Variants in CNTN4 observed in about 807,000 individuals in gnomAD.
CNTN4 encodes the protein contactin-4.
A neutral mutation model predicts 122.5 loss-of-function variants in CNTN4; 77 were observed. That is an observed-to-expected ratio of 0.63 (90% CI 0.52 to 0.76). CNTN4 has a LOEUF of 0.76. Ranked by LOEUF, CNTN4 falls within the 30% of genes least tolerant of loss-of-function variation. The pLI is 0.00. For synonymous variants in CNTN4, 512 were observed against 447.0 expected (o/e 1.15, Z -1.83); for missense variants, 1,256 against 1,259.1 (o/e 1.00, Z 0.04).
chr3:2,515,027 A>T (rs35073826), intron 3 of CNTN4, among the ~76,000 whole-genome samples: 2 of 148,574 alleles, frequency 1.3e-5, no homozygotes. Context: ...TCTCTTTTTC[A>T]TCAGTTAATT....
intron 21 of CNTN4, 37 bp downstream of exon 21, chr3:3,042,459 G>T: frequency 7.5e-7 from 1 of 1,332,774 alleles, no homozygotes; most frequent in Middle Eastern, 1.8e-4. Context: ...CTGAAAGAGA[G>T]TCTATGCCCC....
intron 6 of CNTN4, among the ~76,000 whole-genome samples, chr3:2,783,118 AT>A (rs5846222): frequency 0.093 from 13,540 of 145,162 alleles, 569 homozygotes; most frequent in African/African-American, 0.11. Context: ...CTCTCTACTA[AT>A]TTTTTTTTTT....
At chr3:2,883,377 C>G (rs2093934671) in intron 9 of CNTN4, 130 bp downstream of exon 9, 1 of 708,266 alleles carries the variant, frequency 1.4e-6, no homozygotes, top group Admixed American at 2.1e-5. Flanking sequence ...CTTTGTAATT[C>G]TGTGTATGCA....
intron 3 of CNTN4, among the ~76,000 whole-genome samples, chr3:2,448,323 A>G (rs146270143): frequency 6.6e-6 from 1 of 152,328 alleles, no homozygotes; most frequent in Non-Finnish European, 1.5e-5. Context: ...TTGCCTTAAA[A>G]GCAAGTATAT....
At chr3:2,453,518 C>A (rs17194427) in intron 3 of CNTN4, among the ~76,000 whole-genome samples, 29,070 of 152,024 alleles carry the variant, frequency 0.19, 3,353 homozygotes, top group Middle Eastern at 0.28. Context: ...ATAACCAAGT[C>A]CATTTTCAAC....
At chr3:2,944,427 C>T (rs2094651533) in intron 13 of CNTN4, among the ~76,000 whole-genome samples, 1 of 152,096 alleles carries the variant, frequency 6.6e-6, no homozygotes. Context: ...CATTCATTTT[C>T]TTTCTGATAA....
intron 4 of CNTN4, among the ~76,000 whole-genome samples, chr3:2,578,667 C>A (rs1188116435): frequency 6.6e-6 from 1 of 152,124 alleles, no homozygotes; most frequent in Non-Finnish European, 1.5e-5. Flanking sequence ...TACTGCAAAG[C>A]ATAGTCCTGT....
At chr3:2,456,674 TC>T (rs1197772362) in intron 3 of CNTN4, among the ~76,000 whole-genome samples, 2 of 152,128 alleles carry the variant, frequency 1.3e-5, no homozygotes, top group African/African-American at 4.8e-5. Context: ...CTGAGACTCA[TC>T]CACATCGTAG....
At chr3:2,858,342 G>A (rs191480320) in intron 7 of CNTN4, among the ~76,000 whole-genome samples, 1 of 152,152 alleles carries the variant, frequency 6.6e-6, no homozygotes, top group Non-Finnish European at 1.5e-5. Context: ...ACTCAAATTT[G>A]AGAACCACTT....
chr3:2,165,587 A>G (rs2036160539), intron 2 of CNTN4, among the ~76,000 whole-genome samples: 1 of 152,136 alleles, frequency 6.6e-6, no homozygotes, highest in South Asian at 2.1e-4. Context: ...CATTATTACT[A>G]ACTATATTCA....
At chr3:2,495,272 A>G (rs2076424491) in intron 3 of CNTN4, among the ~76,000 whole-genome samples, 2 of 152,170 alleles carry the variant, frequency 1.3e-5, no homozygotes, top group Non-Finnish European at 2.9e-5. Flanking sequence ...CCCTTTTCTA[A>G]TTTCCCATAA....
At chr3:2,546,782 A>T (rs1364942764) in intron 3 of CNTN4, among the ~76,000 whole-genome samples, 1 of 152,166 alleles carries the variant, frequency 6.6e-6, no homozygotes, top group Non-Finnish European at 1.5e-5. Context: ...GAAGAAGAAG[A>T]AATGGCCATG....
At chr3:2,305,096 A>G (rs544173107) in intron 2 of CNTN4, among the ~76,000 whole-genome samples, 1 of 152,198 alleles carries the variant, frequency 6.6e-6, no homozygotes, top group Admixed American at 6.5e-5. Context: ...TATTCATTTT[A>G]TGCTCAGAGC....
At chr3:2,950,339 T>C (rs1287795696) in intron 13 of CNTN4, among the ~76,000 whole-genome samples, 2 of 152,228 alleles carry the variant, frequency 1.3e-5, no homozygotes, top group South Asian at 2.1e-4. Flanking sequence ...TCATTGTATG[T>C]CCATGCTTCA....
intron 2 of CNTN4, among the ~76,000 whole-genome samples, chr3:2,260,468 A>G (rs2040789165): frequency 6.6e-6 from 1 of 152,066 alleles, no homozygotes; most frequent in South Asian, 2.1e-4. Flanking sequence ...TGTTATTAGG[A>G]TGAGATTTAA....
At chr3:2,420,336 C>G (rs1444587500) in intron 3 of CNTN4, among the ~76,000 whole-genome samples, 3 of 152,172 alleles carry the variant, frequency 2.0e-5, no homozygotes, top group African/African-American at 2.4e-5. Context: ...ACCAACTTCT[C>G]TCACCTCTCT....
Position 2,382,383 on chromosome 3 carries a change from C to T in CNTN4, c.-89+43150C>T, listed in dbSNP as rs1370023155. Among the ~76,000 whole-genome samples the T allele has an allele frequency of 5.3e-5, 8 of 152,106 alleles. No individual in the cohort carries two copies. In the South Asian group the frequency reaches 1.0e-3, roughly 20 times the overall value. On this transcript the variant is annotated intron_variant, in intron 3 of 24. Coordinates refer to ENST00000418658, the MANE Select transcript of CNTN4 (RefSeq NM_175607.3). The stretch of plus-strand genomic sequence containing the variant: ...TCTTGGCCAGGCTGGTCTTGAACTC[C>T]TGACCTCATGATCCACCCGCCTCGG...
chr3:2,447,406 G>T (rs1199606003), intron 3 of CNTN4, among the ~76,000 whole-genome samples: 1 of 152,066 alleles, frequency 6.6e-6, no homozygotes, highest in Non-Finnish European at 1.5e-5. Flanking sequence ...GTTGATATCA[G>T]TGTACCAGGA....
intron 10 of CNTN4, among the ~76,000 whole-genome samples, chr3:2,889,544 A>G (rs1035877045): frequency 7.2e-5 from 11 of 152,156 alleles, no homozygotes; most frequent in African/African-American, 2.7e-4. Flanking sequence ...TGTATTTTTA[A>G]CTGTGTAGGG....
Sources: gnomAD v4.1 joint callset for allele counts (sites outside exome capture counted in the v4.1 genomes callset) on GRCh38, gnomAD v4.1.1 for gene constraint, MANE v1.5 for transcripts, NCBI Gene and HGNC (gene_info 2026-07-23, HGNC 2026-07-21) for gene names.